Variants in POGK observed in about 807,000 individuals in gnomAD.
The protein encoded by POGK is pogo transposable element with KRAB domain.
A neutral mutation model predicts 54.4 loss-of-function variants in POGK; 16 were observed. The observed-to-expected ratio is 0.29, with a 90% CI of 0.20 to 0.45. The LOEUF is 0.45. POGK is among the 20% of genes least tolerant of loss of function. The pLI is 1.00. For missense variants in POGK, 515 were observed against 795.6 expected, an observed-to-expected ratio of 0.65 and a Z score of 4.24; for synonymous variants, 271 against 302.2, an observed-to-expected ratio of 0.90 and a Z score of 1.07.
Position 166,849,073 on chromosome 1 carries a change from G to C in POGK, c.494G>C (p.Ser165Thr), listed in dbSNP as rs143520580. 3,678 of 1,614,190 alleles carry C rather than the reference G, an allele frequency of 2.3e-3. 8 individuals carry two copies. The highest frequency in any genetic ancestry group is 7.3e-3 in the Middle Eastern group (44 of 6,062). The change falls in exon 5 of 6, where the codon AGT becomes ACT. Residue 165 changes from serine (S) to threonine (T), a missense_variant. By Grantham distance (58) the Ser-to-Thr change is moderately conservative (BLOSUM62 1). Transcript: ENST00000367876. ...PRDITELPEW[S>T]EGYPFYMAMG... ...GATATCACAGAGCTGCCCGAGTGGA[G>C]TGAGGGGTACCCCTTCTACATGGCC...
chr1:166,846,153 C>T (rs978190668), intron 2 of POGK, among the ~76,000 whole-genome samples: 1 of 152,114 alleles, frequency 6.6e-6, no homozygotes, highest in African/African-American at 2.4e-5. Flanking sequence ...ATTTACAAAC[C>T]CAACTCACCC....
intron 4 of POGK, among the ~76,000 whole-genome samples, chr1:166,848,420 A>C (rs908655994): frequency 2.0e-5 from 3 of 152,228 alleles, no homozygotes; most frequent in African/African-American, 7.2e-5. Context: ...ATGTGCAAGA[A>C]CTAATTTTCT....
intron 1 of POGK, chr1:166,840,211 G>C (rs572554643): frequency 6.6e-6 from 1 of 152,428 alleles, no homozygotes; most frequent in Non-Finnish European, 1.5e-5. Flanking sequence ...ATAGAGGGCA[G>C]GAGTGCGGCC....
At chr1:166,843,938 G>T (rs778448049) in intron 2 of POGK, among the ~76,000 whole-genome samples, 2 of 152,218 alleles carry the variant, frequency 1.3e-5, no homozygotes, top group African/African-American at 2.4e-5. Flanking sequence ...TGACTTCTCA[G>T]TTTTGCCCGG....
intron 2 of POGK, among the ~76,000 whole-genome samples, chr1:166,841,802 G>C (rs990563323): frequency 6.6e-6 from 1 of 151,998 alleles, no homozygotes; most frequent in African/African-American, 2.4e-5. Context: ...AGTATCCTTT[G>C]CTTCCATGAA....
rs1245087956 is a variant in POGK, at chr1:166,854,231, G to T, written c.*1661G>T. On this transcript the variant is annotated 3_prime_UTR_variant, in exon 6 of 6. Coordinates refer to ENST00000367876, the MANE Select transcript of POGK (RefSeq NM_017542.5). Reference sequence around the variant, plus strand: ...CTGTGAGTCTCATCATCAGCTGAGCGATGATGCCTTACAGGTTGCATAGCA... The same window carrying T: ...CTGTGAGTCTCATCATCAGCTGAGCTATGATGCCTTACAGGTTGCATAGCA... 1 of 152,614 alleles carries T rather than the reference G, an allele frequency of 6.6e-6. No individual in the cohort carries two copies. The highest frequency in any genetic ancestry group is 2.4e-5 in the African/African-American group (1 of 41,442). 9.5% of individuals were successfully genotyped at this position (152,614 alleles called of 1,614,324 possible). A position where few individuals can be genotyped will look rare whatever the true frequency, so the allele number is the denominator to read the frequency against.
intron 4 of POGK, 28 bp from the exon 5 acceptor site, chr1:166,848,910 T>C: frequency 6.4e-7 from 1 of 1,553,132 alleles, no homozygotes; most frequent in Non-Finnish European, 8.7e-7. Flanking sequence ...ACTGGCATTA[T>C]TTTTGCCCCT....
At chr1:166,847,451 A>C (rs1168301106) in intron 3 of POGK, 43 bp from the exon 4 acceptor site, 2 of 1,470,506 alleles carry the variant, frequency 1.4e-6, no homozygotes, top group Non-Finnish European at 1.9e-6. Flanking sequence ...GTGCTCCAGG[A>C]CAGTAACACA....
At chr1:166,844,829 C>T (rs936943403) in intron 2 of POGK, among the ~76,000 whole-genome samples, 1 of 152,114 alleles carries the variant, frequency 6.6e-6, no homozygotes, top group Non-Finnish European at 1.5e-5. Context: ...GAGCCCAGGA[C>T]ATTTCAGGGA....
intron 2 of POGK, 121 bp from the exon 3 acceptor site, chr1:166,846,491 G>T (rs1657853151): frequency 2.3e-6 from 3 of 1,307,626 alleles, no homozygotes; most frequent in Non-Finnish European, 3.2e-6. Flanking sequence ...CTGGGTCAGG[G>T]TCCCTCACCT....
At position 166,854,241 on chromosome 1, in the gene POGK, T is replaced by G. The variant is rs1294762830; in HGVS notation, c.*1671T>G. On this transcript the variant is annotated 3_prime_UTR_variant, in exon 6 of 6. Transcript: ENST00000367876. ...CATCATCAGCTGAGCGATGATGCCT[T>G]ACAGGTTGCATAGCACTGGAACTTT... The G allele has an allele frequency of 2.0e-5, 3 of 152,640 alleles. No homozygotes were observed. The highest frequency in any genetic ancestry group is 4.4e-5 in the Non-Finnish European group (3 of 68,044). The allele number at this position is 152,640 out of a possible 1,614,324, so 9.5% of individuals were successfully genotyped here. A position where few individuals can be genotyped will look rare whatever the true frequency, so the allele number is the denominator to read the frequency against.
At position 166,853,522 on chromosome 1, in the gene POGK, GTT is replaced by G. The variant is rs1658156695; in HGVS notation, c.*955_*956del. The G allele has an allele frequency of 6.6e-6, 1 of 152,592 alleles. No individual in the cohort carries two copies. Among genetic ancestry groups the G allele is most frequent in the Admixed American group, 6.5e-5 (1 of 15,288 alleles). 9.5% of individuals were successfully genotyped at this position (152,592 alleles called of 1,614,324 possible). A position where few individuals can be genotyped will look rare whatever the true frequency, so the allele number is the denominator to read the frequency against. The stretch of plus-strand genomic sequence containing the variant: ...AGGGCTTGGGCTTTTAGCCACAGCT[GTT>G]TTAAGACTTCTGATCTCCTGCCCTG... On this transcript the variant is annotated 3_prime_UTR_variant, in exon 6 of 6. Coordinates refer to ENST00000367876, the MANE Select transcript of POGK (RefSeq NM_017542.5).
At chr1:166,851,876 G>A (rs1256410431) in intron 5 of POGK, 2 of 152,114 alleles carry the variant, frequency 1.3e-5, no homozygotes, top group Non-Finnish European at 2.9e-5. Flanking sequence ...CAAATGAAAT[G>A]CTAATGGGAG....
intron 2 of POGK, among the ~76,000 whole-genome samples, chr1:166,843,579 T>C (rs1657700374): frequency 6.6e-6 from 1 of 152,150 alleles, no homozygotes; most frequent in Non-Finnish European, 1.5e-5. Flanking sequence ...TGAGAGAATA[T>C]ATTTATATGA....
At position 166,840,855 on chromosome 1, in the gene POGK, G is replaced by A; in HGVS notation, c.-2-100G>A. ...CTTCCCTCCAGCGGGAACAGTGCTT[G>A]GGGCTAAAGAGGTTTGTATGTGGCT... On this transcript the variant is annotated intron_variant, in intron 1 of 5. Transcript: ENST00000367876. The A allele has an allele frequency of 2.7e-6, 4 of 1,457,692 alleles. No individual in the cohort carries two copies. In the South Asian group the frequency reaches 5.2e-5, roughly 19 times the overall value. 90.3% of individuals were successfully genotyped at this position (1,457,692 alleles called of 1,614,324 possible). A position where few individuals can be genotyped will look rare whatever the true frequency, so the allele number is the denominator to read the frequency against.
intron 5 of POGK, chr1:166,850,775 A>G (rs1480270430): frequency 5.7e-6 from 1 of 174,750 alleles, no homozygotes; most frequent in African/African-American, 2.4e-5. Context: ...GAGGCGGAAC[A>G]GTTTCATCCC....
intron 5 of POGK, 80 bp downstream of exon 5, chr1:166,850,503 T>G: frequency 6.9e-7 from 1 of 1,440,708 alleles, no homozygotes; most frequent in East Asian, 2.4e-5. Context: ...ATTATTTTTC[T>G]GTTTTTAAGT....
At chr1:166,840,065 A>C (rs1026150038) in intron 1 of POGK, 1 of 152,142 alleles carries the variant, frequency 6.6e-6, no homozygotes, top group Non-Finnish European at 1.5e-5. Flanking sequence ...AGACCCATCC[A>C]TGCCGCGTTC....
rs1327012868 is a variant in POGK at position 166,855,271 on chromosome 1, A to T, written c.*2701A>T. On this transcript the variant is annotated 3_prime_UTR_variant, in exon 6 of 6. Transcript: ENST00000367876. ...CAGTGATAAATTCCTGCAGGAAAAAATAAGTTTTATTCTAAGTCTGAAATT... is the reference window on the plus strand; with the variant it reads ...CAGTGATAAATTCCTGCAGGAAAAATTAAGTTTTATTCTAAGTCTGAAATT... 1.3e-5 allele frequency: 2 copies of T among 152,206 alleles called. No homozygotes were observed. Among genetic ancestry groups the T allele is most frequent in the Non-Finnish European group, 2.9e-5 (2 of 68,030 alleles). 9.4% of individuals were successfully genotyped at this position (152,206 alleles called of 1,614,324 possible). A position where few individuals can be genotyped will look rare whatever the true frequency, so the allele number is the denominator to read the frequency against.
Sources: gnomAD v4.1 joint callset for allele counts (sites outside exome capture counted in the v4.1 genomes callset) on GRCh38, gnomAD v4.1.1 for gene constraint, MANE v1.5 for transcripts, NCBI Gene and HGNC (gene_info 2026-07-23, HGNC 2026-07-21) for gene names.